Variants in RYR3 observed in about 807,000 individuals in gnomAD.
The protein encoded by RYR3 is brain ryanodine receptor-calcium release channel.
Under a neutral mutation model 584.3 loss-of-function variants are expected in RYR3, and 207 were observed. That is an observed-to-expected ratio of 0.35 (90% CI 0.32 to 0.40). The LOEUF (loss-of-function observed/expected upper bound fraction) is 0.40. Ranked by LOEUF, RYR3 falls within the 10% of genes least tolerant of loss-of-function variation. The pLI is 1.00. For synonymous variants in RYR3, 2,416 were observed against 2,248.5 expected (o/e 1.07, Z -2.11); for missense variants, 5,616 against 6,089.2 (o/e 0.92, Z 2.59).
chr15:33,423,348 T>C (rs1418491896), intron 1 of RYR3, among the ~76,000 whole-genome samples: 1 of 152,262 alleles, frequency 6.6e-6, no homozygotes, highest in Non-Finnish European at 1.5e-5. Flanking sequence ...TCCTTTTTTA[T>C]AGCTGAATAA....
chr15:33,621,632 C>G (rs746491880), intron 19 of RYR3, among the ~76,000 whole-genome samples: 78 of 152,208 alleles, frequency 5.1e-4, no homozygotes, highest in Admixed American at 9.1e-4. Context: ...GTGATTCTAA[C>G]TCTATATCAT....
intron 1 of RYR3, among the ~76,000 whole-genome samples, chr15:33,443,739 G>A (rs1017235034): frequency 1.3e-5 from 2 of 152,176 alleles, no homozygotes; most frequent in African/African-American, 4.8e-5. Context: ...TCACTCATCA[G>A]GAATTCACTG....
intron 81 of RYR3, among the ~76,000 whole-genome samples, chr15:33,823,911 A>G (rs35740703): frequency 0.075 from 11,419 of 152,176 alleles, 536 homozygotes; most frequent in Middle Eastern, 0.11. Context: ...CTCTTGGTGG[A>G]CTACATACTT....
At chr15:33,839,710 C>T (rs1035812507) in intron 89 of RYR3, 1 of 152,190 alleles carries the variant, frequency 6.6e-6, no homozygotes, top group Admixed American at 6.5e-5. Context: ...CACACTGTCC[C>T]TACAGCTTAG....
rs778443767 is a variant in RYR3 at position 33,652,699 on chromosome 15, T to G, written c.4143-19T>G. 6.2e-6 allele frequency: 10 copies of G among 1,611,042 alleles called. No individual in the cohort carries two copies. Among genetic ancestry groups the G allele is most frequent in the Non-Finnish European group, 6.8e-6 (8 of 1,178,728 alleles). On this transcript the variant is annotated intron_variant, in intron 31 of 103. Transcript: ENST00000634891. ...TGCCCCAGTCCAGATTCTGTGCCTT[T>G]TCCTGTCTTGGCTCCTAGTGTGAAA...
intron 67 of RYR3, among the ~76,000 whole-genome samples, chr15:33,795,380 C>CTTTTTTTTTTTTTTT (rs1201963780): frequency 3.2e-5 from 3 of 92,464 alleles, no homozygotes; most frequent in African/African-American, 8.8e-5. Flanking sequence ...TTTTTCTTTT[C>CTTTTTTTTTTTTTTT]TTTTTTTTTT....
At chr15:33,365,278 A>G (rs1460160291) in intron 1 of RYR3, among the ~76,000 whole-genome samples, 1 of 152,238 alleles carries the variant, frequency 6.6e-6, no homozygotes, top group Non-Finnish European at 1.5e-5. Flanking sequence ...TTGAGAGCTC[A>G]TGACTCCTGG....
rs564595730 is a variant in RYR3 at position 33,828,845 on chromosome 15, T to C, written c.11334+1558T>C. ...GGATAATTGATGAAGGTGGTCACAC[T>C]AAACAACAGATTTCCCACGTACATG... is the stretch of plus-strand genomic sequence containing the variant. On this transcript the variant is annotated intron_variant, in intron 85 of 103. Coordinates refer to ENST00000634891, the MANE Select transcript of RYR3 (RefSeq NM_001036.6). Among the ~76,000 whole-genome samples the C allele has an allele frequency of 7.9e-5, 12 of 152,324 alleles. No homozygotes were observed. In the South Asian group the frequency reaches 1.5e-3, roughly 18 times the overall value.
At chr15:33,610,413 G>A (rs970079200) in intron 18 of RYR3, among the ~76,000 whole-genome samples, 5 of 152,108 alleles carry the variant, frequency 3.3e-5, no homozygotes, top group Non-Finnish European at 5.9e-5. Context: ...TTTCCCAGCA[G>A]ACTATGGGCT....
intron 1 of RYR3, among the ~76,000 whole-genome samples, chr15:33,320,870 A>C (rs948659879): frequency 2.0e-5 from 3 of 152,262 alleles, no homozygotes; most frequent in Admixed American, 1.3e-4. Context: ...GTCATTGCAC[A>C]GTCATTTTAT....
intron 3 of RYR3, among the ~76,000 whole-genome samples, chr15:33,521,587 A>T (rs1163406441): frequency 6.6e-6 from 1 of 151,932 alleles, no homozygotes; most frequent in Non-Finnish European, 1.5e-5. Flanking sequence ...TTATGTATTT[A>T]AAAAATCAAA....
intron 5 of RYR3, among the ~76,000 whole-genome samples, chr15:33,536,721 T>C (rs2055360770): frequency 6.6e-6 from 1 of 152,230 alleles, no homozygotes; most frequent in Non-Finnish European, 1.5e-5. Flanking sequence ...TTTAGTTTAA[T>C]TGAAGTAGTA....
Position 33,825,646 on chromosome 15 carries a change from G to T in RYR3, c.11116G>T (p.Gly3706Cys). The T allele has an allele frequency of 6.2e-7, 1 of 1,612,324 alleles. No homozygotes were observed. The change falls in exon 82 of 104, where the codon GGC becomes TGC. Residue 3706 changes from glycine to cysteine, a missense_variant. By Grantham distance (159) the Gly-to-Cys change is radical (BLOSUM62 -3). Coordinates refer to ENST00000634891, the MANE Select transcript of RYR3 (RefSeq NM_001036.6). Reference sequence around the variant, plus strand: ...ATTTGAGAGGCAGAATAAAGCTGAAGGCCTGGGGATGGTGACTGAAGAAGG... The same window carrying T: ...ATTTGAGAGGCAGAATAAAGCTGAATGCCTGGGGATGGTGACTGAAGAAGG... ...NAFERQNKAE[G>C]LGMVTEEGTL...
At chr15:33,466,266 G>A (rs2048480109) in intron 1 of RYR3, among the ~76,000 whole-genome samples, 1 of 152,080 alleles carries the variant, frequency 6.6e-6, no homozygotes, top group African/African-American at 2.4e-5. Context: ...AAAATGAGGA[G>A]AAGCAACCAA....
chr15:33,607,280 C>A (rs943241479), intron 18 of RYR3, among the ~76,000 whole-genome samples: 2 of 152,136 alleles, frequency 1.3e-5, no homozygotes, highest in African/African-American at 2.4e-5. Flanking sequence ...TAATAATACA[C>A]CCTGAGGTTA....
chr15:33,426,174 AACTT>A lies in RYR3; in HGVS notation c.52-47242_52-47239del, dbSNP rs1374370816. Among the ~76,000 whole-genome samples, 5 of 152,348 alleles carry A rather than the reference AACTT, an allele frequency of 3.3e-5. No homozygotes were observed. The South Asian group carries it at 8.3e-4, about 25-fold the overall frequency. ...AGCATTCTTTGTAAAGTAGATGTAA[AACTT>A]ACGAGCTTCTTGACAGGTGATGCAA... On this transcript the variant is annotated intron_variant, in intron 1 of 103. Transcript: ENST00000634891.
intron 38 of RYR3, among the ~76,000 whole-genome samples, chr15:33,682,943 T>C (rs1356077725): frequency 6.6e-6 from 1 of 152,016 alleles, no homozygotes; most frequent in Non-Finnish European, 1.5e-5. Flanking sequence ...AGATTTAACC[T>C]CTTCACCTCA....
chr15:33,681,235 C>T (rs547655997), intron 38 of RYR3, among the ~76,000 whole-genome samples: 1 of 152,224 alleles, frequency 6.6e-6, no homozygotes, highest in Non-Finnish European at 1.5e-5. Context: ...AGTTAACCAT[C>T]CTCAACCCAA....
intron 1 of RYR3, among the ~76,000 whole-genome samples, chr15:33,407,810 C>T (rs2043125498): frequency 6.6e-6 from 1 of 152,100 alleles, no homozygotes; most frequent in African/African-American, 2.4e-5. Context: ...CCGGCATGGA[C>T]AGTGGATTCC....
Sources: allele counts gnomAD v4.1 joint callset (sites outside exome capture counted in the v4.1 genomes callset), GRCh38; gene constraint gnomAD v4.1.1; transcripts MANE v1.5; gene names NCBI Gene and HGNC (gene_info 2026-07-23, HGNC 2026-07-21).